The following LRRC1 variants were observed in gnomAD, a reference collection of about 807,000 sequenced individuals.
LRRC1 encodes the protein leucine-rich repeat-containing protein 1.
LRRC1 carries 28 observed loss-of-function variants against 69.9 expected under a neutral mutation model. The ratio of observed to expected loss-of-function variants is 0.40; its 90% CI spans 0.30 to 0.55. The LOEUF (loss-of-function observed/expected upper bound fraction) is 0.55. LRRC1 is among the 20% of genes least tolerant of loss of function. The pLI is 0.47. For synonymous variants in LRRC1, 236 were observed against 240.2 expected (o/e 0.98, Z 0.16); for missense variants, 498 against 609.0 (o/e 0.82, Z 1.92).
intron 10 of LRRC1, among the ~76,000 whole-genome samples, chr6:53,905,744 G>A (rs1255231422): frequency 6.6e-6 from 1 of 152,084 alleles, no homozygotes; most frequent in Non-Finnish European, 1.5e-5. Context: ...CCCTGGGTAA[G>A]GTGGCCAGCA....
In LRRC1 at chr6:53,922,720, A is replaced by G. The variant is rs756956483; in HGVS notation, c.1502A>G (p.Asn501Ser). The G allele has an allele frequency of 5.0e-6, 8 of 1,614,124 alleles. No individual in the cohort carries two copies. Among genetic ancestry groups the G allele is most frequent in the African/African-American group, 2.7e-5 (2 of 75,038 alleles). ...GTGGAGAATTTACGGAATGACATGA[A>G]TGCTGCTAAAGGACTGGACTCAAAC... is the stretch of plus-strand genomic sequence containing the variant. ...KTVENLRNDM[N>S]AAKGLDSNKN... Residue 501 changes from asparagine (N) to serine (S), a missense_variant, in exon 14 of 14, where the codon AAT becomes AGT. Coordinates refer to ENST00000370888, the MANE Select transcript of LRRC1 (RefSeq NM_018214.5).
intron 2 of LRRC1, among the ~76,000 whole-genome samples, chr6:53,853,547 A>G (rs1174970692): frequency 6.6e-6 from 1 of 152,186 alleles, no homozygotes; most frequent in Non-Finnish European, 1.5e-5. Flanking sequence ...GGCCTCCCAA[A>G]GTGCTGGGAT....
intron 1 of LRRC1, among the ~76,000 whole-genome samples, chr6:53,829,769 T>G (rs1419482994): frequency 6.6e-6 from 1 of 152,178 alleles, no homozygotes; most frequent in Non-Finnish European, 1.5e-5. Context: ...CCTGGGAGCT[T>G]ACCGAGAACG....
At chr6:53,825,756 C>T (rs879517780) in intron 1 of LRRC1, among the ~76,000 whole-genome samples, 8 of 152,244 alleles carry the variant, frequency 5.3e-5, no homozygotes, top group Admixed American at 2.6e-4. Context: ...AAGTGGGGAA[C>T]AGGTGATGGT....
chr6:53,853,316 G>A (rs73430279), intron 2 of LRRC1, among the ~76,000 whole-genome samples: 3,947 of 138,070 alleles, frequency 0.029, 130 homozygotes, highest in East Asian at 0.09. Flanking sequence ...ACGAAGTTTC[G>A]CTCTGTTGCC....
In LRRC1 at chr6:53,865,054, G is replaced by T. The variant is rs530804812; in HGVS notation, c.278-13939G>T. On this transcript the variant is annotated intron_variant, in intron 2 of 13. Transcript: ENST00000370888. ...GGAGCACAGGCGCCAGCTCAGCATC[G>T]GCCAGGATGAGCCATAGTGCACATT... 5.2e-4 allele frequency among the ~76,000 whole-genome samples: 79 copies of T among 152,202 alleles called. 1 individual carries two copies. Among genetic ancestry groups the T allele is most frequent in the African/African-American group, 1.7e-3 (70 of 41,464 alleles).
intron 1 of LRRC1, among the ~76,000 whole-genome samples, chr6:53,796,786 C>G (rs1008641597): frequency 6.6e-6 from 1 of 152,162 alleles, no homozygotes; most frequent in African/African-American, 2.4e-5. Context: ...CCATCAAGTT[C>G]CCTCAGGCGT....
Position 53,902,381 on chromosome 6 carries a change from A to G in LRRC1, c.788-248A>G, listed in dbSNP as rs1224224256. ...CTGTAAATTTCTTGGCTTTGATGCA[A>G]TGTTTTTATGCTTTTTAAAATGTTT... On this transcript the variant is annotated intron_variant, in intron 8 of 13. Coordinates refer to ENST00000370888, the MANE Select transcript of LRRC1 (RefSeq NM_018214.5). Among the ~76,000 whole-genome samples, 4 of 152,144 alleles carry G rather than the reference A, an allele frequency of 2.6e-5. No individual in the cohort carries two copies. In the East Asian group the frequency reaches 7.7e-4, roughly 29 times the overall value.
intron 12 of LRRC1, 59 bp from the exon 13 acceptor site, chr6:53,920,566 T>C (rs1057037191): frequency 3.1e-6 from 5 of 1,606,738 alleles, no homozygotes; most frequent in Non-Finnish European, 2.6e-6. Context: ...GCAAAGTTCA[T>C]AGCATTTACT....
At chr6:53,797,761 C>T (rs987535967) in intron 1 of LRRC1, among the ~76,000 whole-genome samples, 1 of 152,238 alleles carries the variant, frequency 6.6e-6, no homozygotes, top group Non-Finnish European at 1.5e-5. Flanking sequence ...ACTGAAAGGC[C>T]TGCAACTTCT....
At chr6:53,912,263 C>T (rs930613708) in intron 10 of LRRC1, among the ~76,000 whole-genome samples, 3 of 151,976 alleles carry the variant, frequency 2.0e-5, no homozygotes, top group East Asian at 1.9e-4. Context: ...AGGGTTAGAC[C>T]GTAATTATGA....
At chr6:53,910,916 C>T (rs145726210) in intron 10 of LRRC1, among the ~76,000 whole-genome samples, 426 of 152,338 alleles carry the variant, frequency 2.8e-3, no homozygotes, top group Non-Finnish European at 4.4e-3. Flanking sequence ...GTTGTGCCAT[C>T]CCTTCCTGGC....
At chr6:53,853,149 G>A (rs1252708362) in intron 2 of LRRC1, among the ~76,000 whole-genome samples, 1 of 152,044 alleles carries the variant, frequency 6.6e-6, no homozygotes, top group African/African-American at 2.4e-5. Flanking sequence ...CCATTCATGA[G>A]GGCAGAGTCC....
chr6:53,842,029 A>G (rs1373917226), intron 1 of LRRC1, 81 bp from the exon 2 acceptor site: 2 of 825,402 alleles, frequency 2.4e-6, no homozygotes, highest in Non-Finnish European at 4.0e-6. Flanking sequence ...TTTAAAAGAC[A>G]TTGTTTTACA....
chr6:53,831,244 T>A (rs1393900009), intron 1 of LRRC1, among the ~76,000 whole-genome samples: 1 of 152,124 alleles, frequency 6.6e-6, no homozygotes, highest in Non-Finnish European at 1.5e-5. Context: ...CAAACGGCAT[T>A]ACATAGTCAA....
chr6:53,868,646 T>C (rs1436069422), intron 2 of LRRC1, among the ~76,000 whole-genome samples: 1 of 152,186 alleles, frequency 6.6e-6, no homozygotes, highest in African/African-American at 2.4e-5. Context: ...CCTGCTTAGA[T>C]TGTAAGTTGG....
chr6:53,828,892 A>G (rs957187934), intron 1 of LRRC1, among the ~76,000 whole-genome samples: 6 of 152,250 alleles, frequency 3.9e-5, no homozygotes, highest in South Asian at 2.1e-4. Context: ...ACAAGGTGTT[A>G]TCATTAGATC....
rs147935732 is a variant in LRRC1, at chr6:53,812,921, C to G, written c.159+17506C>G. ...AGGTTGGCATGAAGTTTTGGTGGTG[C>G]CAGGCTTCTGATTTTTTTTTCCTCT... On this transcript the variant is annotated intron_variant, in intron 1 of 13. Coordinates refer to ENST00000370888, the MANE Select transcript of LRRC1 (RefSeq NM_018214.5). Among the ~76,000 whole-genome samples the G allele has an allele frequency of 6.5e-4, 98 of 151,654 alleles. 2 individuals carry two copies. Among genetic ancestry groups the G allele is most frequent in the African/African-American group, 2.2e-3 (89 of 41,308 alleles).
intron 10 of LRRC1, among the ~76,000 whole-genome samples, chr6:53,906,666 A>G (rs1768247985): frequency 6.6e-6 from 1 of 152,266 alleles, no homozygotes; most frequent in Non-Finnish European, 1.5e-5. Context: ...TGTGTTCACT[A>G]AATTTACTAG....
Sources: allele counts gnomAD v4.1 joint callset (sites outside exome capture counted in the v4.1 genomes callset), GRCh38; gene constraint gnomAD v4.1.1; transcripts MANE v1.5; gene names NCBI Gene and HGNC (gene_info 2026-07-23, HGNC 2026-07-21).